DNAH3: variants seen among roughly 807,000 people sequenced by gnomAD.
The protein encoded by DNAH3 is dynein axonemal heavy chain 3.
In DNAH3, 332 loss-of-function variants were observed where a neutral mutation model predicts 432.5. The observed-to-expected ratio is 0.77, with a 90% CI of 0.70 to 0.84. The LOEUF (loss-of-function observed/expected upper bound fraction) is 0.84. DNAH3 is among the 40% of genes least tolerant of loss of function. DNAH3 has a pLI of 0.00. For missense variants in DNAH3, 4,861 were observed against 5,114.0 expected (o/e 0.95, Z 1.51); for synonymous variants, 1,956 against 1,900.2 (o/e 1.03, Z -0.76).
chr16:21,050,021 A>G lies in DNAH3; in HGVS notation c.4239-3T>C, dbSNP rs948341675. 1.2e-6 allele frequency: 2 copies of G among 1,610,122 alleles called. No individual in the cohort carries two copies. The highest frequency in any genetic ancestry group is 2.2e-5 in the East Asian group (1 of 44,874). ...GCTTCAAAGCTCCCATCAGTGTCCT[A>G]TGGGGAAGAAAATAGAACTTCAGTG... On this transcript the variant is annotated splice_region_variant and splice_polypyrimidine_tract_variant and intron_variant, in intron 29 of 61. Coordinates refer to ENST00000261383, the Ensembl canonical transcript of DNAH3.
exon 44 of DNAH3, chr16:20,997,413 G>C: frequency 6.2e-7 from 1 of 1,614,180 alleles, no homozygotes; most frequent in Non-Finnish European, 8.5e-7. Flanking sequence ...TCAGGAGCTC[G>C]ATGGGTGGCT....
chr16:21,088,257 A>G (rs965507943), intron 18 of DNAH3, among the ~76,000 whole-genome samples: 17 of 152,220 alleles, frequency 1.1e-4, no homozygotes. Flanking sequence ...GGGCTAGAAT[A>G]GAAAGGCACC....
chr16:21,136,342 T>C (rs1280906960), exon 6 of DNAH3: 1 of 1,613,926 alleles, frequency 6.2e-7, no homozygotes, highest in South Asian at 1.1e-5. Context: ...TTCATGAGGC[T>C]ACAGTAATAG....
intron 1 of DNAH3, among the ~76,000 whole-genome samples, chr16:21,153,354 C>A (rs1031588831): frequency 6.6e-6 from 1 of 152,018 alleles, no homozygotes; most frequent in African/African-American, 2.4e-5. Flanking sequence ...TCTGGTGGGG[C>A]CTTGGAGAAC....
At chr16:21,128,505 C>T (rs2092486270) in intron 7 of DNAH3, among the ~76,000 whole-genome samples, 2 of 151,748 alleles carry the variant, frequency 1.3e-5, no homozygotes, top group Non-Finnish European at 2.9e-5. Context: ...CCAGCCTGGC[C>T]AAGATGCTGA....
chr16:21,078,425 C>CA (rs2091057226), intron 20 of DNAH3, among the ~76,000 whole-genome samples: 1 of 152,102 alleles, frequency 6.6e-6, no homozygotes, highest in Non-Finnish European at 1.5e-5. Context: ...AAGGACTGAT[C>CA]AGGACCTCAG....
At chr16:20,981,913 T>TA (rs1164417745) in intron 49 of DNAH3, among the ~76,000 whole-genome samples, 1 of 150,150 alleles carries the variant, frequency 6.7e-6, no homozygotes, top group Non-Finnish European at 1.5e-5. Flanking sequence ...ATGCTTTTTT[T>TA]ATATATGTAT....
At chr16:21,009,914 A>AGGGGC (rs2087502753) in intron 41 of DNAH3, among the ~76,000 whole-genome samples, 1 of 28,516 alleles carries the variant, frequency 3.5e-5, no homozygotes, top group African/African-American at 1.5e-4. Flanking sequence ...AGAGGAGAGG[A>AGGGGC]GGGGAGGGGA....
intron 56 of DNAH3, among the ~76,000 whole-genome samples, chr16:20,951,976 C>A (rs988038400): frequency 1.3e-5 from 2 of 151,060 alleles, no homozygotes; most frequent in African/African-American, 4.9e-5. Flanking sequence ...ATCTCCTGAC[C>A]TCGTGATCCG....
At chr16:21,146,163 A>AAG in intron 1 of DNAH3, 75 bp from the exon 3 acceptor site, 1 of 968,956 alleles carries the variant, frequency 1.0e-6, no homozygotes, top group African/African-American at 1.6e-5. Context: ...GTTAGGACTA[A>AAG]AGAGGTCCCC....
intron 59 of DNAH3, among the ~76,000 whole-genome samples, 169 bp downstream of exon 59, chr16:20,941,232 A>AG (rs1370317367): frequency 6.6e-6 from 1 of 152,222 alleles, no homozygotes; most frequent in Non-Finnish European, 1.5e-5. Context: ...GATTCAACCC[A>AG]GGGTCAGCAT....
At chr16:20,988,706 C>T (rs974359980) in intron 44 of DNAH3, among the ~76,000 whole-genome samples, 4 of 152,182 alleles carry the variant, frequency 2.6e-5, no homozygotes, top group Admixed American at 6.6e-5. Context: ...CTTTTGTGTC[C>T]GGAATTGGTG....
In DNAH3 at chr16:21,087,142, T is replaced by C. The variant is rs2091404470; in HGVS notation, c.2666-82A>G. The stretch of plus-strand genomic sequence containing the variant: ...ACCTTTAATTCCCTGAACTTAGAGC[T>C]GTGCCTCCTGTCGTTTGGAGATTGG... On this transcript the variant is annotated intron_variant, in intron 18 of 61. Coordinates refer to ENST00000261383, the Ensembl canonical transcript of DNAH3. The C allele has an allele frequency of 6.0e-6, 7 of 1,172,482 alleles. No homozygotes were observed. The Admixed American group carries it at 1.2e-4, about 20-fold the overall frequency. The allele number at this position is 1,172,482 out of a possible 1,614,324, so 72.6% of individuals were successfully genotyped here. A position where few individuals can be genotyped will look rare whatever the true frequency, so the allele number is the denominator to read the frequency against.
At chr16:20,939,254 G>A (rs536020675) in intron 59 of DNAH3, among the ~76,000 whole-genome samples, 3 of 152,230 alleles carry the variant, frequency 2.0e-5, no homozygotes, top group East Asian at 1.9e-4. Flanking sequence ...AGGTGGCCTC[G>A]TCCTAGGCTC....
intron 32 of DNAH3, 58 bp downstream of exon 32, chr16:21,041,969 G>A (rs1022704698): frequency 7.4e-5 from 118 of 1,598,984 alleles, no homozygotes; most frequent in African/African-American, 2.1e-4. Context: ...CGCCACACCC[G>A]GCCCAGAGGT....
chr16:21,145,257 T>C, exon 3 of DNAH3: 1 of 1,613,944 alleles, frequency 6.2e-7, no homozygotes, highest in East Asian at 2.2e-5. Context: ...TCAGCAGATC[T>C]TTCAGCTTCA....
At chr16:20,944,773 CAGG>C in intron 57 of DNAH3, 110 bp from the exon 58 acceptor site, 1 of 874,782 alleles carries the variant, frequency 1.1e-6, no homozygotes. Context: ...ATCAGTAGCA[CAGG>C]ACACACACAC....
intron 1 of DNAH3, among the ~76,000 whole-genome samples, chr16:21,152,906 C>T (rs1027211381): frequency 1.3e-5 from 2 of 152,222 alleles, no homozygotes; most frequent in African/African-American, 2.4e-5. Context: ...CTGTGCTGCC[C>T]GAGCCTCCCC....
At chr16:20,948,756 G>C in intron 56 of DNAH3, 119 bp from the exon 57 acceptor site, 3 of 1,119,216 alleles carry the variant, frequency 2.7e-6, no homozygotes, top group African/African-American at 1.5e-5. Context: ...TAGTGATAGG[G>C]ACAGCAAGCA....
Sources: allele counts gnomAD v4.1 joint callset (sites outside exome capture counted in the v4.1 genomes callset), GRCh38; gene constraint gnomAD v4.1.1; transcripts MANE v1.5; gene names NCBI Gene and HGNC (gene_info 2026-07-23, HGNC 2026-07-21).